GPC6: variants seen among roughly 807,000 people sequenced by gnomAD.
The protein encoded by GPC6 is glypican-6.
GPC6 carries 14 observed loss-of-function variants against 55.2 expected under a neutral mutation model. The observed-to-expected ratio is 0.25, with a 90% CI of 0.17 to 0.40. The LOEUF is 0.40. GPC6 is among the 10% of genes least tolerant of loss of function. The pLI, the probability that GPC6 is intolerant of heterozygous loss-of-function variation, is 1.00. For synonymous variants in GPC6, 278 were observed against 259.6 expected, an observed-to-expected ratio of 1.07 and a Z score of -0.68; for missense variants, 641 against 708.5, an observed-to-expected ratio of 0.90 and a Z score of 1.08.
chr13:94,060,217 G>A (rs1040639705), intron 4 of GPC6, among the ~76,000 whole-genome samples: 2 of 152,062 alleles, frequency 1.3e-5, no homozygotes, highest in Non-Finnish European at 2.9e-5. Flanking sequence ...CCAATCGCTG[G>A]TACCATGCTC....
At chr13:94,094,963 T>G (rs1233783603) in intron 4 of GPC6, among the ~76,000 whole-genome samples, 3 of 152,110 alleles carry the variant, frequency 2.0e-5, no homozygotes, top group Non-Finnish European at 2.9e-5. Flanking sequence ...AATTCTTCAT[T>G]GGCTATATGA....
rs573941647 is a variant in GPC6 at position 93,551,557 on chromosome 13, C to A, written c.319+6136C>A. On this transcript the variant is annotated intron_variant, in intron 2 of 8. Transcript: ENST00000377047. ...AGATGCTAATATCGACAGGTGGAGG[C>A]AGAATGCTCCTTAAAGTCTAAACTA... Among the ~76,000 whole-genome samples, 22 of 152,248 alleles carry A rather than the reference C, an allele frequency of 1.4e-4. No individual in the cohort carries two copies. The East Asian group carries it at 3.9e-3, about 27-fold the overall frequency.
chr13:93,676,757 G>C (rs1036061262), intron 2 of GPC6, among the ~76,000 whole-genome samples: 1 of 152,106 alleles, frequency 6.6e-6, no homozygotes, highest in East Asian at 1.9e-4. Flanking sequence ...TTTGGCTCAT[G>C]TACTACCTTT....
chr13:93,374,144 A>G (rs9524028), intron 1 of GPC6, among the ~76,000 whole-genome samples: 57,934 of 152,030 alleles, frequency 0.38, 12,285 homozygotes, highest in Non-Finnish European at 0.5. Context: ...TCTGAAATCA[A>G]TCTTTAAAGT....
rs1879643597 is a variant in GPC6 at position 93,484,912 on chromosome 13, G to T, written c.161-60351G>T. On this transcript the variant is annotated intron_variant, in intron 1 of 8. Transcript: ENST00000377047. ...TTACTTTCAAAGATCTAATGAATTT[G>T]TAGAGTTATTCTTCAATAAATAAAT... Among the ~76,000 whole-genome samples, 3 of 152,234 alleles carry T rather than the reference G, an allele frequency of 2.0e-5. No homozygotes were observed. The South Asian group carries it at 6.2e-4, about 32-fold the overall frequency.
intron 1 of GPC6, among the ~76,000 whole-genome samples, chr13:93,306,671 C>G (rs936419516): frequency 2.0e-4 from 31 of 151,854 alleles, no homozygotes; most frequent in African/African-American, 6.8e-4. Context: ...TCTGATATTT[C>G]AAAACAACTT....
intron 6 of GPC6, among the ~76,000 whole-genome samples, chr13:94,311,507 T>G (rs911796883): frequency 3.9e-5 from 6 of 152,320 alleles, no homozygotes; most frequent in Non-Finnish European, 5.9e-5. Flanking sequence ...CTACATGGTA[T>G]CATGGACTGA....
intron 1 of GPC6, among the ~76,000 whole-genome samples, chr13:93,372,930 G>A (rs1220673903): frequency 2.0e-5 from 3 of 152,164 alleles, no homozygotes; most frequent in Non-Finnish European, 4.4e-5. Flanking sequence ...CCAGACAGAT[G>A]GGTGACTATA....
intron 2 of GPC6, among the ~76,000 whole-genome samples, chr13:93,727,838 G>A (rs909026352): frequency 3.9e-5 from 6 of 152,006 alleles, no homozygotes; most frequent in Non-Finnish European, 7.4e-5. Flanking sequence ...TCCTCTCCAT[G>A]GCTTACAAAG....
At chr13:93,882,365 T>C (rs1875045618) in intron 3 of GPC6, among the ~76,000 whole-genome samples, 1 of 151,980 alleles carries the variant, frequency 6.6e-6, no homozygotes, top group Admixed American at 6.6e-5. Context: ...CAGGCTGGTC[T>C]CAAACTCCTG....
chr13:93,624,959 G>A (rs1011640058), intron 2 of GPC6, among the ~76,000 whole-genome samples: 7 of 152,206 alleles, frequency 4.6e-5, no homozygotes, highest in African/African-American at 1.4e-4. Flanking sequence ...CAAGCTCTGA[G>A]AGAAAGTGGT....
chr13:93,649,229 T>C (rs1880303279), intron 2 of GPC6, among the ~76,000 whole-genome samples: 1 of 152,170 alleles, frequency 6.6e-6, no homozygotes, highest in Non-Finnish European at 1.5e-5. Flanking sequence ...GGTGGTCAGA[T>C]TGCTTGAGCT....
At chr13:94,004,374 G>A (rs1881929145) in intron 3 of GPC6, among the ~76,000 whole-genome samples, 1 of 151,900 alleles carries the variant, frequency 6.6e-6, no homozygotes, top group Non-Finnish European at 1.5e-5. Flanking sequence ...AACAATGTCT[G>A]AATGCTGTGA....
At chr13:93,479,357 A>G (rs1879411765) in intron 1 of GPC6, among the ~76,000 whole-genome samples, 1 of 152,236 alleles carries the variant, frequency 6.6e-6, no homozygotes, top group South Asian at 2.1e-4. Flanking sequence ...GCTGAGCAAC[A>G]TCAAGCACGA....
At chr13:93,386,075 G>A (rs1875387186) in intron 1 of GPC6, among the ~76,000 whole-genome samples, 2 of 147,572 alleles carry the variant, frequency 1.4e-5, no homozygotes, top group African/African-American at 5.1e-5. Flanking sequence ...TGGGATACAG[G>A]GGGAATGGAA....
intron 6 of GPC6, among the ~76,000 whole-genome samples, chr13:94,370,215 A>G (rs1160673375): frequency 6.6e-6 from 1 of 152,230 alleles, no homozygotes; most frequent in Non-Finnish European, 1.5e-5. Flanking sequence ...CTTATTAATT[A>G]TTCTGCTTCC....
intron 1 of GPC6, among the ~76,000 whole-genome samples, chr13:93,231,371 A>ATACG (rs1876024895): frequency 1.2e-4 from 2 of 17,098 alleles, no homozygotes; most frequent in Non-Finnish European, 2.0e-4. Context: ...GTATATATAT[A>ATACG]TATATATACA....
intron 1 of GPC6, among the ~76,000 whole-genome samples, chr13:93,515,200 G>A (rs1007748672): frequency 5.3e-5 from 8 of 152,074 alleles, no homozygotes; most frequent in Admixed American, 1.3e-4. Context: ...TAAATCAGGC[G>A]AAGGGTCCTC....
At position 94,213,779 on chromosome 13, in the gene GPC6, T is replaced by G. The variant is rs566252733; in HGVS notation, c.878-72570T>G. 2.1e-4 allele frequency among the ~76,000 whole-genome samples: 32 copies of G among 152,258 alleles called. No homozygotes were observed. In the South Asian group the frequency reaches 6.0e-3, roughly 29 times the overall value. On this transcript the variant is annotated intron_variant, in intron 4 of 8. Coordinates refer to ENST00000377047, the MANE Select transcript of GPC6 (RefSeq NM_005708.5). The stretch of plus-strand genomic sequence containing the variant: ...CCACCACTTCCATTGGCTAGATCAA[T>G]TCACAGGATCATCCCAGCCTCCAGA...
Sources: gnomAD v4.1 joint callset for allele counts (sites outside exome capture counted in the v4.1 genomes callset) on GRCh38, gnomAD v4.1.1 for gene constraint, MANE v1.5 for transcripts, NCBI Gene and HGNC (gene_info 2026-07-23, HGNC 2026-07-21) for gene names.